Variants in TULP4 observed in about 807,000 individuals in gnomAD.
TULP4 encodes TUB like protein 4, also known as tubby-related protein 4.
Under a neutral mutation model 129.0 loss-of-function variants are expected in TULP4, and 16 were observed. The observed-to-expected ratio is 0.12, with a 90% CI of 0.08 to 0.19. TULP4 has a LOEUF of 0.19. TULP4 is among the 10% of genes least tolerant of loss of function. TULP4 has a pLI of 1.00. For synonymous variants in TULP4, 998 were observed against 854.0 expected, an observed-to-expected ratio of 1.17 and a Z score of -2.94; for missense variants, 1,842 against 2,059.1, an observed-to-expected ratio of 0.89 and a Z score of 2.04.
intron 3 of TULP4, among the ~76,000 whole-genome samples, chr6:158,435,787 A>T (rs1454606896): frequency 1.3e-5 from 2 of 151,970 alleles, no homozygotes; most frequent in Non-Finnish European, 2.9e-5. Flanking sequence ...GTCTGAACTT[A>T]GCTTCCTCTC....
chr6:158,274,098 A>G (rs1454043782), intron 1 of TULP4, among the ~76,000 whole-genome samples: 1 of 151,836 alleles, frequency 6.6e-6, no homozygotes, highest in African/African-American at 2.4e-5. Context: ...TCTGTACTAA[A>G]AATACAAAAA....
At chr6:158,339,866 C>T (rs1010061488) in intron 1 of TULP4, among the ~76,000 whole-genome samples, 7 of 152,072 alleles carry the variant, frequency 4.6e-5, no homozygotes, top group Admixed American at 1.3e-4. Flanking sequence ...CCTCAGCTTA[C>T]AAAGATGACA....
intron 6 of TULP4, among the ~76,000 whole-genome samples, chr6:158,472,856 C>T (rs1779723001): frequency 6.6e-6 from 1 of 152,184 alleles, no homozygotes; most frequent in Admixed American, 6.5e-5. Context: ...ATTTTCCTTT[C>T]TGTCCTACAT....
intron 1 of TULP4, among the ~76,000 whole-genome samples, chr6:158,360,302 A>G (rs1415355622): frequency 6.6e-6 from 1 of 152,100 alleles, no homozygotes; most frequent in African/African-American, 2.4e-5. Flanking sequence ...GTATCTGTCC[A>G]TCATGGAGGG....
At chr6:158,309,939 A>AGAGGGAGAGGGG, upstream of TULP4, among the ~76,000 whole-genome samples, 1 of 147,518 alleles carries the variant, frequency 6.8e-6, no homozygotes, top group Non-Finnish European at 1.5e-5. Context: ...GGGGAGAGGG[A>AGAGGGAGAGGGG]GAGGGAGCTC....
At position 158,502,010 on chromosome 6, in the gene TULP4, A is replaced by G; in HGVS notation, c.2347A>G (p.Met783Val). The change falls in exon 13 of 14, where the codon ATG (methionine) becomes GTG (valine). Residue 783 changes from methionine (M) to valine (V), a missense_variant. By Grantham distance (21) the Met-to-Val change is conservative. Transcript: ENST00000367097. ...LSLPPPPQGP[M>V]QLSTVGHGDR... Reference sequence around the variant, plus strand: ...CCTGCCTCCCCCGCCGCAGGGGCCCATGCAGCTGTCCACGGTGGGCCATGG... The same window carrying G: ...CCTGCCTCCCCCGCCGCAGGGGCCCGTGCAGCTGTCCACGGTGGGCCATGG... The G allele has an allele frequency of 6.2e-7, 1 of 1,609,516 alleles. No individual in the cohort carries two copies. The highest frequency in any genetic ancestry group is 8.5e-7 in the Non-Finnish European group (1 of 1,178,812).
chr6:158,365,440 T>C (rs889690278), intron 1 of TULP4, among the ~76,000 whole-genome samples: 1 of 151,714 alleles, frequency 6.6e-6, no homozygotes, highest in Non-Finnish European at 1.5e-5. Context: ...TGTATCTCTT[T>C]GGAAGTTTTT....
At chr6:158,273,740 T>C (rs1778590258) in intron 1 of TULP4, among the ~76,000 whole-genome samples, 1 of 152,182 alleles carries the variant, frequency 6.6e-6, no homozygotes, top group Non-Finnish European at 1.5e-5. Flanking sequence ...ACACAAATAA[T>C]CTGTCTGGTC....
intron 1 of TULP4, among the ~76,000 whole-genome samples, chr6:158,337,044 TTTC>T (rs376477524): frequency 3.1e-4 from 45 of 144,326 alleles, no homozygotes; most frequent in Middle Eastern, 3.5e-3. Context: ...TTTTTCTTTC[TTTC>T]TTTCTTTCTT....
chr6:158,279,346 G>A (rs897979675), upstream of TULP4, among the ~76,000 whole-genome samples: 3 of 152,136 alleles, frequency 2.0e-5, no homozygotes, highest in Non-Finnish European at 4.4e-5. Context: ...AAAAGATACT[G>A]TTAAATTCAC....
rs375970655 is a variant in TULP4, at chr6:158,504,214, G to A, written c.4515+36G>A. 56 of 1,478,362 alleles carry A rather than the reference G, an allele frequency of 3.8e-5. 2 individuals are homozygous for A. The African/African-American group carries it at 7.4e-4, about 20-fold the overall frequency. The allele number at this position is 1,478,362 out of a possible 1,614,324, so 91.6% of individuals were successfully genotyped here. On this transcript the variant is annotated intron_variant, in intron 13 of 13. Coordinates refer to ENST00000367097, the MANE Select transcript of TULP4 (RefSeq NM_020245.5). ...AGACCAGGTGGCGCTGCGAGCCCAG[G>A]AGGCGAGGGTTTCAGTGCTTCGGCC...
At chr6:158,299,535 T>A (rs1055731410) in intron 1 of TULP4, among the ~76,000 whole-genome samples, 2 of 152,194 alleles carry the variant, frequency 1.3e-5, no homozygotes, top group African/African-American at 2.4e-5. Flanking sequence ...CATTCCCTTG[T>A]GGCTGATCTC....
Position 158,493,653 on chromosome 6 carries a change from G to A in TULP4, c.1712G>A (p.Arg571His), listed in dbSNP as rs149680271. The change falls in exon 10 of 14, where the codon CGC (arginine) becomes CAC (histidine). Residue 571 changes from arginine to histidine, a missense_variant. By Grantham distance (29) the Arg-to-His change is conservative (BLOSUM62 0). Coordinates refer to ENST00000367097, the MANE Select transcript of TULP4 (RefSeq NM_020245.5). The surrounding 1 kb of genome is among the most constrained non-coding windows in gnomAD (Gnocchi z 4.4). ...ELSRSPRLPLRKPSVGSPSLT... is the reference protein window; with the variant it reads ...ELSRSPRLPLHKPSVGSPSLT... ...TCCCGGTCCCCACGGTTGCCCCTGCGCAAGCCCTCTGTGGGCTCGCCCAGC... is the reference window on the plus strand; with the variant it reads ...TCCCGGTCCCCACGGTTGCCCCTGCACAAGCCCTCTGTGGGCTCGCCCAGC... 5.9e-5 allele frequency: 95 copies of A among 1,598,840 alleles called. 1 individual carries two copies. In the African/African-American group the frequency reaches 8.0e-4, roughly 13 times the overall value.
chr6:158,509,895 C>T lies in TULP4; in HGVS notation c.*3201C>T, dbSNP rs1297127349. The T allele has an allele frequency of 2.6e-5, 4 of 152,192 alleles. No homozygotes were observed. The East Asian group carries it at 7.7e-4, about 29-fold the overall frequency. 9.4% of individuals were successfully genotyped at this position (152,192 alleles called of 1,614,324 possible). On this transcript the variant is annotated 3_prime_UTR_variant, in exon 14 of 14. Transcript: ENST00000367097. ...CTTTCATTCAGTCAGTCTCTGTTGA[C>T]TAAATACGACGAAAATTCATACTTT...
At chr6:158,349,838 G>A (rs1332796198) in intron 1 of TULP4, among the ~76,000 whole-genome samples, 3 of 140,838 alleles carry the variant, frequency 2.1e-5, no homozygotes, top group Non-Finnish European at 4.6e-5. Flanking sequence ...GGGCGGCCGG[G>A]CAGAGGCGCT....
intron 8 of TULP4, among the ~76,000 whole-genome samples, chr6:158,488,255 C>T (rs758223765): frequency 6.6e-6 from 1 of 152,166 alleles, no homozygotes; most frequent in Non-Finnish European, 1.5e-5. Context: ...CAGGCACATT[C>T]TGTAGGCTTG....
chr6:158,452,045 C>G (rs1779172898), intron 4 of TULP4, 89 bp from the exon 5 acceptor site: 1 of 1,563,370 alleles, frequency 6.4e-7, no homozygotes, highest in African/African-American at 1.4e-5. Flanking sequence ...CAGGCAATTT[C>G]TAAGGCACCA....
chr6:158,338,677 T>C (rs1780101671), intron 1 of TULP4, among the ~76,000 whole-genome samples: 1 of 152,220 alleles, frequency 6.6e-6, no homozygotes, highest in African/African-American at 2.4e-5. Context: ...ATAGAGAGGC[T>C]AGCAGGTTGG....
At chr6:158,264,056 C>CT (rs1358070342) in intron 1 of TULP4, among the ~76,000 whole-genome samples, 1 of 152,058 alleles carries the variant, frequency 6.6e-6, no homozygotes, top group Non-Finnish European at 1.5e-5. Context: ...GAGTGAGACT[C>CT]TGTCTCAAAA....
Sources: gnomAD v4.1 joint callset for allele counts (sites outside exome capture counted in the v4.1 genomes callset) on GRCh38, gnomAD v4.1.1 for gene constraint, Gnocchi (gnomAD v3.1) non-coding constraint, MANE v1.5 for transcripts, NCBI Gene and HGNC (gene_info 2026-07-23, HGNC 2026-07-21) for gene names.